The following DNAH10 variants were observed in gnomAD, a reference collection of about 807,000 sequenced individuals.
DNAH10 encodes dynein axonemal heavy chain 10, also known as axonemal beta dynein heavy chain 10.
Under a neutral mutation model 506.6 loss-of-function variants are expected in DNAH10, and 348 were observed. The observed-to-expected ratio is 0.69, with a 90% confidence interval of 0.63 to 0.75. The LOEUF (loss-of-function observed/expected upper bound fraction) is 0.75, where lower values mean the gene tolerates loss of function less well. Ranked by LOEUF, DNAH10 falls within the 30% of genes least tolerant of loss-of-function variation. The pLI is 0.00. For synonymous variants in DNAH10, 2,059 were observed against 2,198.6 expected (o/e 0.94, Z 1.78); for missense variants, 5,179 against 5,787.1 (o/e 0.89, Z 3.41).
chr12:123,794,228 C>A, intron 12 of DNAH10, 116 bp downstream of exon 12: 2 of 824,462 alleles, frequency 2.4e-6, no homozygotes, highest in South Asian at 3.2e-5. Context: ...CTAGAATTTT[C>A]CCAAATTAGC....
At position 123,894,660 on chromosome 12, in the gene DNAH10, G is replaced by A. The variant is rs971917936; in HGVS notation, c.9217G>A (p.Gly3073Ser). 15 of 1,613,846 alleles carry A rather than the reference G, an allele frequency of 9.3e-6. No homozygotes were observed. The highest frequency in any genetic ancestry group is 1.3e-5 in the Non-Finnish European group (15 of 1,179,890). ...RNFPGMVNNT[G>S]IDWFMPWPPQ... ...CTTTCAAGGTATGGTAAATAACACTGGTATTGACTGGTTCATGCCCTGGCC... is the reference window on the plus strand; with the variant it reads ...CTTTCAAGGTATGGTAAATAACACTAGTATTGACTGGTTCATGCCCTGGCC... The change falls in exon 54 of 79, where the codon GGT becomes AGT. Residue 3073 changes from glycine (G) to serine (S), a missense_variant. Physicochemically the swap from Gly to Ser is moderately conservative, Grantham distance 56. This residue lies in a region of DNAH10 where 4,844 missense variants were observed against 5,430.5 expected (regional missense o/e 0.89). Coordinates refer to ENST00000673944, the MANE Select transcript of DNAH10 (RefSeq NM_001372106.1).
rs933847306 is a variant in DNAH10, at chr12:123,846,297, T to A, written c.5814+143T>A. 29 of 1,164,488 alleles carry A rather than the reference T, an allele frequency of 2.5e-5. No individual in the cohort carries two copies. Among genetic ancestry groups the A allele is most frequent in the Non-Finnish European group, 3.2e-5 (27 of 853,608 alleles). The allele number at this position is 1,164,488 out of a possible 1,614,324, so 72.1% of individuals were successfully genotyped here. Reference sequence around the variant, plus strand: ...TCTCGAAAAGCTTTTCCATTTGGGATGTGACCAGATTGTCACCATTTGGGA... The same window carrying A: ...TCTCGAAAAGCTTTTCCATTTGGGAAGTGACCAGATTGTCACCATTTGGGA... On this transcript the variant is annotated intron_variant, in intron 32 of 78. Coordinates refer to ENST00000673944, the MANE Select transcript of DNAH10 (RefSeq NM_001372106.1). This position sits in a 1 kb window ranked among gnomAD's most constrained non-coding sequence, Gnocchi z 4.5.
intron 54 of DNAH10, among the ~76,000 whole-genome samples, chr12:123,896,521 G>A (rs1458407755): frequency 6.6e-6 from 1 of 152,084 alleles, no homozygotes; most frequent in Non-Finnish European, 1.5e-5. Flanking sequence ...ATATGTGCTG[G>A]GTGTCATCCA....
chr12:123,913,423 C>T lies in DNAH10; in HGVS notation c.10352+108C>T. ...CTCACGTTGTGTTTTTATGTGAAAA[C>T]CATGTGACCAGGTCTTATGTTCCTA... On this transcript the variant is annotated intron_variant, in intron 60 of 78. Transcript: ENST00000673944. The surrounding 1 kb of genome is among the most constrained non-coding windows in gnomAD (Gnocchi z 5.1). 2.5e-6 allele frequency: 3 copies of T among 1,190,916 alleles called. No individual in the cohort carries two copies. Among genetic ancestry groups the T allele is most frequent in the South Asian group, 1.6e-5 (1 of 63,156 alleles). The allele number at this position is 1,190,916 out of a possible 1,614,324, so 73.8% of individuals were successfully genotyped here. A position where few individuals can be genotyped will look rare whatever the true frequency, so the allele number is the denominator to read the frequency against.
intron 14 of DNAH10, among the ~76,000 whole-genome samples, chr12:123,799,719 CT>C (rs1454729987): frequency 6.6e-6 from 1 of 152,176 alleles, no homozygotes; most frequent in African/African-American, 2.4e-5. Context: ...CATCTTTAAC[CT>C]GCAGAAAAAT....
At position 123,762,325 on chromosome 12, in the gene DNAH10, C is replaced by G. The variant is rs1956855970; in HGVS notation, c.-12C>G. ...CGCCCTGCGCCCGGCTCCCTCTGCA[C>G]TGCGCGGCGCCATGGACGACCTGCG... is the stretch of plus-strand genomic sequence containing the variant. On this transcript the variant is annotated 5_prime_UTR_variant, in exon 1 of 79. Coordinates refer to ENST00000673944, the MANE Select transcript of DNAH10 (RefSeq NM_001372106.1). This position sits in a 1 kb window ranked among gnomAD's most constrained non-coding sequence, Gnocchi z 5.0. 14 of 1,319,734 alleles carry G rather than the reference C, an allele frequency of 1.1e-5. No individual in the cohort carries two copies. Among genetic ancestry groups the G allele is most frequent in the Non-Finnish European group, 1.4e-5 (14 of 1,032,996 alleles). 81.8% of individuals were successfully genotyped at this position (1,319,734 alleles called of 1,614,324 possible).
Position 123,925,003 on chromosome 12 carries a change from T to C in DNAH10, c.11767-47T>C, listed in dbSNP as rs376851840. 5.0e-6 allele frequency: 8 copies of C among 1,607,084 alleles called. No homozygotes were observed. Among genetic ancestry groups the C allele is most frequent in the Admixed American group, 1.7e-5 (1 of 59,656 alleles). On this transcript the variant is annotated intron_variant, in intron 67 of 78. Transcript: ENST00000673944. The surrounding 1 kb of genome is among the most constrained non-coding windows in gnomAD (Gnocchi z 4.0). ...ACCTTCACACATAAATGGGGACCTA[T>C]GTCATTTCTGAGTTGACGCACAATG...
intron 6 of DNAH10, among the ~76,000 whole-genome samples, chr12:123,782,821 C>G (rs1957714084): frequency 6.6e-6 from 1 of 152,116 alleles, no homozygotes; most frequent in African/African-American, 2.4e-5. Context: ...TCTGCTGGCT[C>G]TTTGTTCAAG....
At chr12:123,896,109 T>TCA (rs1246819591) in intron 54 of DNAH10, among the ~76,000 whole-genome samples, 5 of 39,472 alleles carry the variant, frequency 1.3e-4, no homozygotes, top group South Asian at 1.4e-3. Context: ...TGAGACTTTA[T>TCA]CTCACACACA....
In DNAH10 at chr12:123,809,651, A is replaced by AAACAACAACAACAACAACAAC. The variant is rs146942558; in HGVS notation, c.3144+706_3144+726dup. ...GCAACAGAGCAAGACCGTGTCTCTA[A>AAACAACAACAACAACAACAAC]AACAACAACAACAACAACAACAACA... On this transcript the variant is annotated intron_variant, in intron 19 of 78. Transcript: ENST00000673944. Among the ~76,000 whole-genome samples, 1,336 of 150,978 alleles carry AAACAACAACAACAACAACAAC rather than the reference A, an allele frequency of 8.8e-3. 8 individuals are homozygous for AAACAACAACAACAACAACAAC. The highest frequency in any genetic ancestry group is 0.017 in the African/African-American group (684 of 40,730).
At chr12:123,854,146 T>C (rs991960897) in intron 36 of DNAH10, among the ~76,000 whole-genome samples, 2 of 148,486 alleles carry the variant, frequency 1.3e-5, no homozygotes, top group Non-Finnish European at 3.0e-5. Flanking sequence ...CTGTAAAATG[T>C]AAAACACTAT....
chr12:123,914,739 C>T, intron 61 of DNAH10, 113 bp from the exon 62 acceptor site: 1 of 1,463,912 alleles, frequency 6.8e-7, no homozygotes, highest in Non-Finnish European at 9.1e-7. Context: ...TCTGAGGAGG[C>T]TTGTGTGGCC....
intron 30 of DNAH10, among the ~76,000 whole-genome samples, chr12:123,842,956 G>T (rs1352048850): frequency 1.3e-5 from 2 of 152,228 alleles, no homozygotes; most frequent in Non-Finnish European, 2.9e-5. Context: ...AACTGAACTA[G>T]ACAGAAATCT....
At position 123,917,381 on chromosome 12, in the gene DNAH10, T is replaced by C. The variant is rs1954528398; in HGVS notation, c.11003-203T>C. On this transcript the variant is annotated intron_variant, in intron 63 of 78. Transcript: ENST00000673944. The surrounding 1 kb of genome is among the most constrained non-coding windows in gnomAD (Gnocchi z 5.6). ...ATTTCAGTGTGTTTTTTCCTTTTTATCTGCCACTCTGCACCACAGCATCGC... is the reference window on the plus strand; with the variant it reads ...ATTTCAGTGTGTTTTTTCCTTTTTACCTGCCACTCTGCACCACAGCATCGC... Among the ~76,000 whole-genome samples the C allele has an allele frequency of 2.0e-5, 3 of 152,226 alleles. No individual in the cohort carries two copies. Among genetic ancestry groups the C allele is most frequent in the African/African-American group, 4.8e-5 (2 of 41,460 alleles).
At chr12:123,921,596 GT>G (rs1341898166) in intron 65 of DNAH10, among the ~76,000 whole-genome samples, 9 of 150,194 alleles carry the variant, frequency 6.0e-5, no homozygotes, top group Admixed American at 2.7e-4. Context: ...GTGTTCTGTG[GT>G]TTGCATCTCA....
intron 12 of DNAH10, among the ~76,000 whole-genome samples, 155 bp from the exon 13 acceptor site, chr12:123,796,501 G>A (rs1362858032): frequency 1.3e-5 from 2 of 152,126 alleles, no homozygotes; most frequent in Non-Finnish European, 2.9e-5. Context: ...ATAAGAAAAA[G>A]TAGTAAATAA....
Position 123,830,711 on chromosome 12 carries a change from G to A in DNAH10, c.4545+12G>A. On this transcript the variant is annotated intron_variant, in intron 26 of 78. Coordinates refer to ENST00000673944, the MANE Select transcript of DNAH10 (RefSeq NM_001372106.1). Reference sequence around the variant, plus strand: ...TTGCCATTGAGAAGGTAAGACTTCAGTTAAAAACAGGCTGGAGAAAACAGT... The same window carrying A: ...TTGCCATTGAGAAGGTAAGACTTCAATTAAAAACAGGCTGGAGAAAACAGT... 1 of 1,594,312 alleles carries A rather than the reference G, an allele frequency of 6.3e-7. No homozygotes were observed. Among genetic ancestry groups the A allele is most frequent in the Non-Finnish European group, 8.5e-7 (1 of 1,170,684 alleles).
Position 123,788,144 on chromosome 12 carries a change from A to G in DNAH10, c.1620+142A>G. The G allele has an allele frequency of 4.1e-6, 4 of 964,046 alleles. No individual in the cohort carries two copies. The South Asian group carries it at 5.9e-5, about 14-fold the overall frequency. 59.7% of individuals were successfully genotyped at this position (964,046 alleles called of 1,614,324 possible). A position where few individuals can be genotyped will look rare whatever the true frequency, so the allele number is the denominator to read the frequency against. On this transcript the variant is annotated intron_variant, in intron 10 of 78. Transcript: ENST00000673944. ...GCCCTTCAAAGAAAGAACCTACGGA[A>G]TATACTAGAATGTACCAGAATGGAC... is the stretch of plus-strand genomic sequence containing the variant.
At chr12:123,797,915 C>T (rs1283814533) in intron 13 of DNAH10, among the ~76,000 whole-genome samples, 1 of 152,202 alleles carries the variant, frequency 6.6e-6, no homozygotes, top group East Asian at 1.9e-4. Context: ...GGGGTTTGGA[C>T]AATTTCTCTG....
Sources: allele counts gnomAD v4.1 joint callset (sites outside exome capture counted in the v4.1 genomes callset), GRCh38; gene constraint gnomAD v4.1.1; regional missense constraint gnomAD v4.1.1; non-coding constraint Gnocchi (gnomAD v3.1); transcripts MANE v1.5; gene names NCBI Gene and HGNC (gene_info 2026-07-23, HGNC 2026-07-21).